Variants in YAP1 observed in about 807,000 individuals in gnomAD.
YAP1 encodes transcriptional coactivator YAP1.
In YAP1, 5 loss-of-function variants were observed where a neutral mutation model predicts 56.9. The ratio of observed to expected loss-of-function variants is 0.09; its 90% CI spans 0.05 to 0.18. The LOEUF is 0.18. YAP1 is among the 10% of genes least tolerant of loss of function. The pLI is 1.00. For missense variants in YAP1, 539 were observed against 651.8 expected (o/e 0.83, Z 1.88); for synonymous variants, 265 against 248.1 (o/e 1.07, Z -0.64).
intron 6 of YAP1, among the ~76,000 whole-genome samples, chr11:102,218,463 C>G (rs1333072386): frequency 2.0e-5 from 3 of 152,208 alleles, no homozygotes; most frequent in Non-Finnish European, 4.4e-5. Context: ...ATGTTAAGTA[C>G]AGACACAGCC....
At position 102,223,278 on chromosome 11, in the gene YAP1, A is replaced by AT. The variant is rs201098147; in HGVS notation, c.1033-335dup. Among the ~76,000 whole-genome samples, 889 of 150,386 alleles carry AT rather than the reference A, an allele frequency of 5.9e-3. 9 individuals carry two copies. The highest frequency in any genetic ancestry group is 0.02 in the African/African-American group (831 of 40,938). On this transcript the variant is annotated intron_variant, in intron 6 of 8. Coordinates refer to ENST00000282441, the MANE Select transcript of YAP1 (RefSeq NM_001130145.3). Reference sequence around the variant, plus strand: ...CAAAAAAAAAAAAAAAAAAAGAAGAATTTTTTTTTAAAGACCAGACTTGCC... The same window carrying AT: ...CAAAAAAAAAAAAAAAAAAAGAAGAATTTTTTTTTTAAAGACCAGACTTGCC...
intron 2 of YAP1, among the ~76,000 whole-genome samples, chr11:102,134,143 T>G (rs1181984066): frequency 6.6e-6 from 1 of 152,178 alleles, no homozygotes. Flanking sequence ...CAAAACACTG[T>G]TTTAACTGAA....
rs1054069946 is a variant in YAP1, at chr11:102,230,697, G to T, written c.*757G>T. The T allele has an allele frequency of 2.0e-5, 3 of 151,930 alleles. No homozygotes were observed. The highest frequency in any genetic ancestry group is 2.9e-5 in the Non-Finnish European group (2 of 67,894). The allele number at this position is 151,930 out of a possible 1,614,324, so 9.4% of individuals were successfully genotyped here. A position where few individuals can be genotyped will look rare whatever the true frequency, so the allele number is the denominator to read the frequency against. On this transcript the variant is annotated 3_prime_UTR_variant, in exon 9 of 9. Coordinates refer to ENST00000282441, the MANE Select transcript of YAP1 (RefSeq NM_001130145.3). ...TTGTTTTTGGCAGGGTCGGTGGGGGGGTTGGTTGGTTGGTTGGTTTTGTCG... is the reference window on the plus strand; with the variant it reads ...TTGTTTTTGGCAGGGTCGGTGGGGGTGTTGGTTGGTTGGTTGGTTTTGTCG...
chr11:102,214,865 A>G (rs1369734462), intron 6 of YAP1, among the ~76,000 whole-genome samples: 1 of 152,198 alleles, frequency 6.6e-6, no homozygotes, highest in Non-Finnish European at 1.5e-5. Flanking sequence ...GAAGTCTATC[A>G]GAAAGAATGT....
chr11:102,114,684 CCTTTTAATT>C (rs1943166093), intron 2 of YAP1, among the ~76,000 whole-genome samples: 2 of 152,070 alleles, frequency 1.3e-5, no homozygotes. Context: ...TTGTGCCAAA[CCTTTTAATT>C]AGCCTAGCAC....
At chr11:102,193,688 C>G (rs1948417619) in intron 4 of YAP1, among the ~76,000 whole-genome samples, 1 of 152,044 alleles carries the variant, frequency 6.6e-6, no homozygotes, top group Non-Finnish European at 1.5e-5. Flanking sequence ...GTACATTGTT[C>G]ATACAGGATT....
At chr11:102,174,498 A>C (rs1421619675) in intron 3 of YAP1, among the ~76,000 whole-genome samples, 1 of 152,006 alleles carries the variant, frequency 6.6e-6, no homozygotes, top group African/African-American at 2.4e-5. Context: ...GCTTGAACCC[A>C]GGAGGCAGAA....
Position 102,110,823 on chromosome 11 carries a change from G to A in YAP1, c.-26G>A, listed in dbSNP as rs1181184697. 25 of 1,374,684 alleles carry A rather than the reference G, an allele frequency of 1.8e-5. No individual in the cohort carries two copies. Among genetic ancestry groups the A allele is most frequent in the Non-Finnish European group, 2.3e-5 (25 of 1,065,254 alleles). 85.2% of individuals were successfully genotyped at this position (1,374,684 alleles called of 1,614,324 possible). The stretch of plus-strand genomic sequence containing the variant: ...TAGCCCTCGCTCGCCTGGGTCAGGG[G>A]GTGCGCGTCGGGGGAGGCAGAAGCC... On this transcript the variant is annotated 5_prime_UTR_variant, in exon 1 of 9. Transcript: ENST00000282441.
chr11:102,228,180 C>G (rs2135721451), intron 8 of YAP1, among the ~76,000 whole-genome samples: 1 of 152,216 alleles, frequency 6.6e-6, no homozygotes, highest in East Asian at 1.9e-4. Context: ...GAACATCTCT[C>G]TCCTTATAGA....
At chr11:102,177,329 C>A (rs1947319806) in intron 3 of YAP1, among the ~76,000 whole-genome samples, 1 of 152,050 alleles carries the variant, frequency 6.6e-6, no homozygotes, top group African/African-American at 2.4e-5. Flanking sequence ...GGACTTCCTC[C>A]TTAGAGGAGG....
In YAP1 at chr11:102,175,075, G is replaced by A. The variant is rs1312863748; in HGVS notation, c.689-10943G>A. 3.9e-5 allele frequency among the ~76,000 whole-genome samples: 6 copies of A among 152,280 alleles called. No individual in the cohort carries two copies. The South Asian group carries it at 1.2e-3, about 32-fold the overall frequency. ...TGGGTGAACCTGAACTCAGGATGGG[G>A]TGGGCAGGATGGATTAGCCACCAAC... On this transcript the variant is annotated intron_variant, in intron 3 of 8. Transcript: ENST00000282441.
chr11:102,223,649 A>G lies in YAP1; in HGVS notation c.1060A>G (p.Thr354Ala), dbSNP rs1254902642. ...GTTAGCCCTGCGTAGCCAGTTACCAACACTGGAGCAGGATGGTGGGACTCA... is the reference window on the plus strand; with the variant it reads ...GTTAGCCCTGCGTAGCCAGTTACCAGCACTGGAGCAGGATGGTGGGACTCA... ...QELALRSQLPTLEQDGGTQNP... is the reference protein window; with the variant it reads ...QELALRSQLPALEQDGGTQNP... The change falls in exon 7 of 9, where the codon ACA becomes GCA. Residue 354 changes from threonine to alanine, a missense_variant. Physicochemically the swap from Thr to Ala is moderately conservative, Grantham distance 58. This residue lies in a region of YAP1 where 414 missense variants were observed against 512.4 expected (regional missense o/e 0.81). Coordinates refer to ENST00000282441, the MANE Select transcript of YAP1 (RefSeq NM_001130145.3). 31 of 1,614,012 alleles carry G rather than the reference A, an allele frequency of 1.9e-5. No homozygotes were observed. The highest frequency in any genetic ancestry group is 2.5e-5 in the Non-Finnish European group (29 of 1,180,014).
At chr11:102,153,826 A>C (rs940518451) in intron 2 of YAP1, among the ~76,000 whole-genome samples, 1 of 151,882 alleles carries the variant, frequency 6.6e-6, no homozygotes, top group African/African-American at 2.4e-5. Flanking sequence ...GACTAGAATA[A>C]TATTCCTCTC....
At chr11:102,114,481 C>T in intron 2 of YAP1, 87 bp downstream of exon 2, 19 of 1,431,484 alleles carry the variant, frequency 1.3e-5, no homozygotes, top group East Asian at 2.4e-5. Flanking sequence ...TACAGAATAT[C>T]ATTTATTTTT....
At chr11:102,208,630 A>G (rs1301703963) in intron 5 of YAP1, among the ~76,000 whole-genome samples, 4 of 151,690 alleles carry the variant, frequency 2.6e-5, no homozygotes, top group Non-Finnish European at 4.4e-5. Flanking sequence ...TGGCTAATAG[A>G]AAAAAAAAGA....
chr11:102,129,421 C>T (rs1387037159), intron 2 of YAP1, among the ~76,000 whole-genome samples: 1 of 151,896 alleles, frequency 6.6e-6, no homozygotes, highest in Non-Finnish European at 1.5e-5. Context: ...GAGTTCAAGA[C>T]TAGCCTGACC....
chr11:102,219,482 G>A (rs555190101), intron 6 of YAP1, among the ~76,000 whole-genome samples: 1 of 152,086 alleles, frequency 6.6e-6, no homozygotes, highest in South Asian at 2.1e-4. Context: ...TAATACGGAA[G>A]AAAGGCATGG....
intron 5 of YAP1, 88 bp from the exon 6 acceptor site, chr11:102,209,429 T>C: frequency 8.5e-7 from 1 of 1,176,588 alleles, no homozygotes; most frequent in Non-Finnish European, 1.2e-6. Flanking sequence ...GCTATGGTGA[T>C]ATGTCTGGAT....
Position 102,229,947 on chromosome 11 carries a change from C to T in YAP1, c.*7C>T, listed in dbSNP as rs956054285. On this transcript the variant is annotated 3_prime_UTR_variant, in exon 9 of 9. Transcript: ENST00000282441. ...CTTTCTTACATGGTTATAGAGCCCT[C>T]AGGCAGACTGAATTCTAAATCTGTG... 8.1e-6 allele frequency: 13 copies of T among 1,609,484 alleles called. No homozygotes were observed. In the African/African-American group the frequency reaches 1.3e-4, roughly 17 times the overall value.
Sources: gnomAD v4.1 joint callset for allele counts (sites outside exome capture counted in the v4.1 genomes callset) on GRCh38, gnomAD v4.1.1 for gene constraint, gnomAD v4.1.1 regional missense constraint, MANE v1.5 for transcripts, NCBI Gene and HGNC (gene_info 2026-07-23, HGNC 2026-07-21) for gene names.